WDFY4: variants seen among roughly 807,000 people sequenced by gnomAD.
WDFY4 encodes the protein WD repeat- and FYVE domain-containing protein 4.
A neutral mutation model predicts 351.9 loss-of-function variants in WDFY4; 169 were observed. The observed-to-expected ratio is 0.48, with a 90% CI of 0.42 to 0.55. The LOEUF (loss-of-function observed/expected upper bound fraction) is 0.55, where lower values mean the gene tolerates loss of function less well. WDFY4 is among the 20% of genes least tolerant of loss of function. The probability of loss-of-function intolerance (pLI) is 0.00; values close to 1 mark genes in which losing one functional copy is unlikely to be tolerated. For missense variants in WDFY4, 3,803 were observed against 3,935.6 expected, an observed-to-expected ratio of 0.97 and a Z score of 0.90; for synonymous variants, 1,622 against 1,574.6, an observed-to-expected ratio of 1.03 and a Z score of -0.71.
At chr10:48,897,672 T>TGGA in intron 45 of WDFY4, 98 bp downstream of exon 45, 1 of 1,482,222 alleles carries the variant, frequency 6.7e-7, no homozygotes, top group Non-Finnish European at 9.0e-7. Flanking sequence ...TCTGTGACTC[T>TGGA]TCTTTGTGCC....
intron 59 of WDFY4, 78 bp from the exon 60 acceptor site, chr10:48,978,231 G>A (rs1842659668): frequency 2.1e-6 from 3 of 1,448,360 alleles, no homozygotes; most frequent in Non-Finnish European, 2.8e-6. Flanking sequence ...CCCTAGGCGT[G>A]AGGAAATGGA....
intron 1 of WDFY4, among the ~76,000 whole-genome samples, chr10:48,696,410 C>T (rs2063331658): frequency 6.6e-6 from 1 of 152,254 alleles, no homozygotes; most frequent in Admixed American, 6.5e-5. Flanking sequence ...ATTCCCCCAA[C>T]ACAGGCTTGG....
intron 47 of WDFY4, among the ~76,000 whole-genome samples, chr10:48,903,971 G>A (rs1403999758): frequency 1.3e-5 from 2 of 152,210 alleles, no homozygotes; most frequent in African/African-American, 4.8e-5. Flanking sequence ...CAGAAAGGTA[G>A]CAGAAACTGT....
intron 13 of WDFY4, among the ~76,000 whole-genome samples, chr10:48,767,175 T>TGA (rs2132559479): frequency 6.6e-6 from 1 of 152,334 alleles, no homozygotes; most frequent in Non-Finnish European, 1.5e-5. Context: ...TGTGGCCTGA[T>TGA]GAGATTGATG....
intron 1 of WDFY4, among the ~76,000 whole-genome samples, chr10:48,692,627 C>T (rs1008752741): frequency 6.6e-6 from 1 of 152,080 alleles, no homozygotes; most frequent in African/African-American, 2.4e-5. Context: ...TAAGGAGGAA[C>T]GGGATGGGAG....
At chr10:48,702,058 T>C (rs1228525848) in intron 1 of WDFY4, among the ~76,000 whole-genome samples, 3 of 152,212 alleles carry the variant, frequency 2.0e-5, no homozygotes, top group Admixed American at 2.0e-4. Flanking sequence ...ATAATTTTCT[T>C]TTTTTAGTGC....
intron 2 of WDFY4, among the ~76,000 whole-genome samples, chr10:48,718,273 C>T (rs558080347): frequency 2.5e-4 from 38 of 152,200 alleles, no homozygotes; most frequent in East Asian, 7.7e-4. Context: ...GTCAGTGGCA[C>T]GCATTGTGAA....
chr10:48,723,664 C>T, intron 5 of WDFY4, 97 bp downstream of exon 5: 1 of 1,483,556 alleles, frequency 6.7e-7, no homozygotes, highest in Non-Finnish European at 9.0e-7. Context: ...CTTTCTCAGC[C>T]CTGGTTCCTG....
At chr10:48,809,226 C>G (rs992975024) in intron 28 of WDFY4, among the ~76,000 whole-genome samples, 3 of 149,774 alleles carry the variant, frequency 2.0e-5, no homozygotes, top group African/African-American at 7.4e-5. Context: ...ATCACCACCA[C>G]CACCACATTA....
intron 43 of WDFY4, 72 bp downstream of exon 43, chr10:48,877,271 C>T: frequency 1.4e-6 from 2 of 1,390,554 alleles, no homozygotes; most frequent in Non-Finnish European, 9.8e-7. Flanking sequence ...AGGAGAAAAC[C>T]AAGCTTTCGC....
intron 3 of WDFY4, among the ~76,000 whole-genome samples, 155 bp downstream of exon 3, chr10:48,720,280 G>C (rs1246884777): frequency 1.3e-5 from 2 of 152,182 alleles, no homozygotes; most frequent in Non-Finnish European, 2.9e-5. Context: ...AGTGCCTTAG[G>C]GACCAAGGGA....
At chr10:48,918,173 G>A (rs1011486430) in intron 47 of WDFY4, among the ~76,000 whole-genome samples, 6 of 152,042 alleles carry the variant, frequency 3.9e-5, no homozygotes, top group African/African-American at 1.2e-4. Context: ...CAGGAAAAGG[G>A]AACAGAAGGA....
chr10:48,915,989 C>T (rs1234859527), intron 47 of WDFY4, among the ~76,000 whole-genome samples: 1 of 152,216 alleles, frequency 6.6e-6, no homozygotes, highest in African/African-American at 2.4e-5. Context: ...GCTTAAAAAA[C>T]AAAGTGGAGT....
At chr10:48,906,979 T>A (rs1837647355) in intron 47 of WDFY4, among the ~76,000 whole-genome samples, 1 of 152,168 alleles carries the variant, frequency 6.6e-6, no homozygotes, top group Non-Finnish European at 1.5e-5. Context: ...CTCTTGGTGC[T>A]GAATATCAAA....
intron 35 of WDFY4, among the ~76,000 whole-genome samples, chr10:48,825,455 G>A (rs11101526): frequency 0.2 from 30,003 of 152,118 alleles, 4,062 homozygotes; most frequent in African/African-American, 0.38. Context: ...GATAATTTAT[G>A]TTCCTTTGGG....
intron 28 of WDFY4, among the ~76,000 whole-genome samples, chr10:48,809,123 A>G (rs768153257): frequency 7.9e-5 from 12 of 152,060 alleles, no homozygotes; most frequent in Non-Finnish European, 1.2e-4. Flanking sequence ...TATTATGGCC[A>G]TCTCTTTCAT....
chr10:48,957,272 G>A lies in WDFY4; in HGVS notation c.8121G>A (p.Gly2707=). Residue 2707 remains glycine (G), a synonymous_variant, in exon 52 of 62, where the codon GGG becomes GGA. Coordinates refer to ENST00000325239, the MANE Select transcript of WDFY4 (RefSeq NM_001394531.1). ...CTGAGTTCTTAACCAACTGCAACGGGGTAGAGTTCGGTAAGTGGAGGCCTG... is the reference window on the plus strand; with the variant it reads ...CTGAGTTCTTAACCAACTGCAACGGAGTAGAGTTCGGTAAGTGGAGGCCTG... ...YLPEFLTNCN[G]VEFGCMQDGT... 2 of 1,551,066 alleles carry A rather than the reference G, an allele frequency of 1.3e-6. No homozygotes were observed. Among genetic ancestry groups the A allele is most frequent in the Non-Finnish European group, 1.7e-6 (2 of 1,146,488 alleles).
intron 15 of WDFY4, among the ~76,000 whole-genome samples, 164 bp from the exon 16 acceptor site, chr10:48,776,586 C>T (rs1008491166): frequency 2.6e-5 from 4 of 152,302 alleles, no homozygotes; most frequent in South Asian, 2.1e-4. Flanking sequence ...GCAGGGGGCC[C>T]GGGCTGGGGG....
intron 2 of WDFY4, among the ~76,000 whole-genome samples, chr10:48,712,797 C>T (rs779657956): frequency 1.1e-4 from 16 of 151,814 alleles, no homozygotes; most frequent in Non-Finnish European, 1.8e-4. Flanking sequence ...TTAAGGTTTT[C>T]CATGAAGTTC....
Sources: gnomAD v4.1 joint callset for allele counts (sites outside exome capture counted in the v4.1 genomes callset) on GRCh38, gnomAD v4.1.1 for gene constraint, MANE v1.5 for transcripts, NCBI Gene and HGNC (gene_info 2026-07-23, HGNC 2026-07-21) for gene names.